BLTP1: variants seen among roughly 807,000 people sequenced by gnomAD.
The protein encoded by BLTP1 is bridge-like lipid transfer protein family member 1.
the BLTP1 span, chr4:122,244,894 C>T: frequency 2.5e-6 from 3 of 1,221,448 alleles, no homozygotes; most frequent in African/African-American, 4.6e-5. Context: ...CTTAGACATT[C>T]TCATTTCAAT....
At chr4:122,257,214 A>G in the BLTP1 span, 1,104 of 1,584,268 alleles carry the variant, frequency 7.0e-4, 8 homozygotes, top group African/African-American at 0.013. Flanking sequence ...AACTGATATT[A>G]TTACATTAGA....
the BLTP1 span, chr4:122,359,414 T>C: frequency 7.4e-7 from 1 of 1,359,442 alleles, no homozygotes; most frequent in Non-Finnish European, 9.6e-7. Flanking sequence ...TTATGGCTTA[T>C]TTTAAAATAT....
At chr4:122,184,867 A>T in the BLTP1 span, 1 of 984,814 alleles carries the variant, frequency 1.0e-6, no homozygotes, top group Non-Finnish European at 1.2e-6. Context: ...CAGCTGCTCT[A>T]GCTGTTGGAA....
chr4:122,248,041 A>G, the BLTP1 span: 2 of 985,104 alleles, frequency 2.0e-6, no homozygotes, highest in Non-Finnish European at 2.4e-6. Flanking sequence ...GAATTTGCTT[A>G]CTGTATTTTA....
the BLTP1 span, chr4:122,170,013 A>G: frequency 2.0e-6 from 2 of 984,958 alleles, no homozygotes; most frequent in East Asian, 1.1e-4. Context: ...GTTTTTGATT[A>G]AAGAATAATC....
chr4:122,272,192 G>A, the BLTP1 span: 1 of 1,613,176 alleles, frequency 6.2e-7, no homozygotes, highest in African/African-American at 1.3e-5. Context: ...AACATGTAAA[G>A]TTGTGTTTGA....
At chr4:122,168,367 G>A in the BLTP1 span, among the ~76,000 whole-genome samples, 8 of 152,144 alleles carry the variant, frequency 5.3e-5, no homozygotes, top group African/African-American at 1.9e-4. Flanking sequence ...TCCTTTTTAT[G>A]TGGAGACTTG....
At chr4:122,304,559 G>A in the BLTP1 span, 1 of 175,390 alleles carries the variant, frequency 5.7e-6, no homozygotes, top group Non-Finnish European at 1.1e-5. Context: ...AGACATAATG[G>A]TATTACACAT....
the BLTP1 span, among the ~76,000 whole-genome samples, chr4:122,222,108 T>C: frequency 6.1e-4 from 93 of 152,306 alleles, no homozygotes; most frequent in Non-Finnish European, 1.2e-3. Context: ...ATTTCCCCGA[T>C]TGTTGACAAC....
the BLTP1 span, among the ~76,000 whole-genome samples, chr4:122,295,929 A>G: frequency 6.6e-6 from 1 of 152,210 alleles, no homozygotes; most frequent in Non-Finnish European, 1.5e-5. Context: ...TTGAAGATAC[A>G]TACCTCAAAA....
the BLTP1 span, chr4:122,192,474 T>A: frequency 2.4e-6 from 2 of 843,858 alleles, no homozygotes; most frequent in Admixed American, 5.3e-5. Context: ...TTATAAACTA[T>A]TTTATTATGG....
chr4:122,331,239 T>G, the BLTP1 span: 1 of 1,469,266 alleles, frequency 6.8e-7, no homozygotes. Context: ...ATTTACAGAC[T>G]GTTGCTCACA....
chr4:122,332,355 G>T, the BLTP1 span, among the ~76,000 whole-genome samples: 8 of 151,970 alleles, frequency 5.3e-5, no homozygotes, highest in African/African-American at 1.9e-4. Flanking sequence ...GTTTATTTTT[G>T]ATTGAAACAT....
the BLTP1 span, chr4:122,175,949 A>G: frequency 2.0e-6 from 2 of 980,528 alleles, no homozygotes; most frequent in Non-Finnish European, 3.2e-6. Flanking sequence ...TAAAATGTTC[A>G]ATCATATAAT....
At chr4:122,173,151 T>G in the BLTP1 span, 1 of 1,607,686 alleles carries the variant, frequency 6.2e-7, no homozygotes, top group South Asian at 1.1e-5. Context: ...ATATCCATAT[T>G]GGTGAGTTTG....
At chr4:122,167,764 C>G in the BLTP1 span, 1 of 985,392 alleles carries the variant, frequency 1.0e-6, no homozygotes, top group Non-Finnish European at 1.2e-6. Context: ...AGCTCTAGGC[C>G]GCTGAGACTT....
chr4:122,324,017 A>C, the BLTP1 span, among the ~76,000 whole-genome samples: 91 of 152,156 alleles, frequency 6.0e-4, no homozygotes, highest in Middle Eastern at 3.4e-3. Context: ...GTTGTAATGA[A>C]GAGTCCTACA....
At chr4:122,283,335 G>A in the BLTP1 span, among the ~76,000 whole-genome samples, 5 of 151,812 alleles carry the variant, frequency 3.3e-5, no homozygotes, top group African/African-American at 1.2e-4. Context: ...TTTTTCCAGT[G>A]GCATATAATC....
At chr4:122,331,542 G>C in the BLTP1 span, 1 of 1,608,594 alleles carries the variant, frequency 6.2e-7, no homozygotes, top group Non-Finnish European at 8.5e-7. Context: ...GTTTGAGAAG[G>C]TAAGAAATTG....
Sources: allele counts gnomAD v4.1 joint callset (sites outside exome capture counted in the v4.1 genomes callset), GRCh38; gene constraint gnomAD v4.1.1; transcripts MANE v1.5; gene names NCBI Gene and HGNC (gene_info 2026-07-23, HGNC 2026-07-21).